The following DIAPH2 variants were observed in gnomAD, a reference collection of about 807,000 sequenced individuals.
The protein encoded by DIAPH2 is diaphanous related formin 2, also known as protein diaphanous homolog 2.
Under a neutral mutation model 92.7 loss-of-function variants are expected in DIAPH2, and 35 were observed. The observed-to-expected ratio is 0.38, with a 90% CI of 0.29 to 0.50. The LOEUF (loss-of-function observed/expected upper bound fraction) is 0.50. DIAPH2 is among the 20% of genes least tolerant of loss of function. The pLI is 0.94. For synonymous variants in DIAPH2, 301 were observed against 280.4 expected (o/e 1.07, Z -0.73); for missense variants, 701 against 819.5 (o/e 0.86, Z 1.77).
chrX:96,702,994 C>T (rs188519892), intron 1 of DIAPH2, among the ~76,000 whole-genome samples: 16 of 111,500 alleles, frequency 1.4e-4, no homozygotes, highest in African/African-American at 4.6e-4. Flanking sequence ...TTCAGTTTCA[C>T]GGTATACATT....
chrX:97,507,385 T>C (rs1446984883), intron 26 of DIAPH2, among the ~76,000 whole-genome samples: 1 of 110,969 alleles, frequency 9.0e-6, no homozygotes, highest in East Asian at 2.8e-4. Flanking sequence ...AATCTTTATA[T>C]GAAGAATTTT....
chrX:97,258,054 A>G (rs1189341081), intron 23 of DIAPH2, among the ~76,000 whole-genome samples: 9 of 108,569 alleles, frequency 8.3e-5, no homozygotes, highest in African/African-American at 2.7e-4. Flanking sequence ...TGCTTTTTGT[A>G]TGTAGACCAG....
chrX:96,902,030 G>A (rs896358203), intron 5 of DIAPH2, among the ~76,000 whole-genome samples: 3 of 111,674 alleles, frequency 2.7e-5, no homozygotes, highest in Non-Finnish European at 3.8e-5. Context: ...TTCCATCTTA[G>A]TTTCATTGTT....
In DIAPH2 at chrX:96,967,614, A is replaced by C. The variant is rs769874597; in HGVS notation, c.2050+2407A>C. Among the ~76,000 whole-genome samples the C allele has an allele frequency of 5.5e-5, 6 of 109,593 alleles. No homozygotes were observed. In the South Asian group the frequency reaches 2.4e-3, roughly 43 times the overall value. ...GTATTTTTAGTAGAGACTGGGTTTC[A>C]CCTTGTTGGCCAGGCTAGTCTCAAA... On this transcript the variant is annotated intron_variant, in intron 17 of 26. Coordinates refer to ENST00000324765, the MANE Select transcript of DIAPH2 (RefSeq NM_006729.5).
intron 26 of DIAPH2, among the ~76,000 whole-genome samples, chrX:97,511,086 T>C (rs1472768979): frequency 9.7e-6 from 1 of 103,383 alleles, no homozygotes; most frequent in Non-Finnish European, 2.0e-5. Flanking sequence ...ATTGAATCTA[T>C]AAATTACCTT....
At chrX:96,858,169 C>T (rs1403238099) in intron 4 of DIAPH2, among the ~76,000 whole-genome samples, 1 of 111,718 alleles carries the variant, frequency 9.0e-6, no homozygotes, top group East Asian at 2.8e-4. Flanking sequence ...CCTTGAAGTA[C>T]ACTTTTTTAA....
At chrX:97,268,619 G>A (rs941433091) in intron 23 of DIAPH2, among the ~76,000 whole-genome samples, 4 of 111,967 alleles carry the variant, frequency 3.6e-5, no homozygotes, top group Admixed American at 9.5e-5. Context: ...ATGTGACCTA[G>A]GGAAAGTCAT....
chrX:97,205,474 A>C (rs1173610613), intron 22 of DIAPH2, among the ~76,000 whole-genome samples: 4 of 111,615 alleles, frequency 3.6e-5, no homozygotes, highest in African/African-American at 1.3e-4. Flanking sequence ...AAGCATATTT[A>C]CAAGAAAAAA....
intron 23 of DIAPH2, among the ~76,000 whole-genome samples, chrX:97,284,194 C>A (rs1429050946): frequency 8.9e-6 from 1 of 111,755 alleles, no homozygotes; most frequent in Non-Finnish European, 1.9e-5. Flanking sequence ...ATGCAGCTAT[C>A]CTAATGTAAT....
intron 23 of DIAPH2, among the ~76,000 whole-genome samples, chrX:97,311,937 C>T (rs1174979904): frequency 9.0e-6 from 1 of 110,549 alleles, no homozygotes; most frequent in Non-Finnish European, 1.9e-5. Context: ...ATACCATTCT[C>T]CTGCCTCAGC....
At chrX:97,536,854 C>T in intron 26 of DIAPH2, among the ~76,000 whole-genome samples, 1 of 111,778 alleles carries the variant, frequency 8.9e-6, no homozygotes, top group South Asian at 3.7e-4. Flanking sequence ...GTCTAAAATA[C>T]ATTTCTTTAC....
chrX:97,415,114 A>C (rs1410061028), intron 25 of DIAPH2, among the ~76,000 whole-genome samples: 3 of 112,431 alleles, frequency 2.7e-5, no homozygotes, highest in Non-Finnish European at 5.6e-5. Flanking sequence ...GCTCATCATC[A>C]CTGGCCATCA....
At chrX:97,504,041 A>G (rs1454767182) in intron 26 of DIAPH2, among the ~76,000 whole-genome samples, 1 of 111,865 alleles carries the variant, frequency 8.9e-6, no homozygotes, top group East Asian at 2.8e-4. Context: ...TGGCCCCAAG[A>G]CAGTGTAATG....
intron 21 of DIAPH2, among the ~76,000 whole-genome samples, chrX:97,131,571 C>T (rs1323518172): frequency 8.9e-6 from 1 of 111,755 alleles, no homozygotes; most frequent in Non-Finnish European, 1.9e-5. Flanking sequence ...AATATTCCAT[C>T]TACTCTCAAA....
chrX:96,847,126 A>G (rs1485759007), intron 4 of DIAPH2, among the ~76,000 whole-genome samples: 1 of 111,770 alleles, frequency 8.9e-6, no homozygotes, highest in African/African-American at 3.3e-5. Context: ...CTATAAGGAA[A>G]ACTTGTATGT....
In DIAPH2 at chrX:96,735,787, T is replaced by C; in HGVS notation, c.162T>C (p.Asp54=). The C allele has an allele frequency of 9.3e-7, 1 of 1,077,753 alleles. No individual in the cohort carries two copies. Among genetic ancestry groups the C allele is most frequent in the Non-Finnish European group, 1.3e-6 (1 of 795,445 alleles). 88.8% of individuals were successfully genotyped at this position (1,077,753 alleles called of 1,213,427 possible). Residue 54 remains aspartate (D), a synonymous_variant, in exon 2 of 27, where the codon GAT becomes GAC. Transcript: ENST00000324765. ...LNIQIKTLAD[D]VRDRITSFRK... ...TTCAAATAAAAACTTTGGCAGATGA[T>C]GTGGTAAGGTGGTCTTAGCATGTTA...
intron 22 of DIAPH2, among the ~76,000 whole-genome samples, chrX:97,239,517 AT>A (rs776009022): frequency 9.0e-6 from 1 of 111,638 alleles, no homozygotes; most frequent in Non-Finnish European, 1.9e-5. Flanking sequence ...CTATAATTTA[AT>A]TTTTTAGTGT....
chrX:96,802,119 A>G (rs1354122354), intron 4 of DIAPH2, among the ~76,000 whole-genome samples: 1 of 112,273 alleles, frequency 8.9e-6, no homozygotes, highest in African/African-American at 3.2e-5. Flanking sequence ...AAAATAAATC[A>G]CAGAGTATCT....
At chrX:97,095,619 A>G (rs2066863135) in intron 19 of DIAPH2, among the ~76,000 whole-genome samples, 1 of 110,473 alleles carries the variant, frequency 9.1e-6, no homozygotes, top group African/African-American at 3.3e-5. Flanking sequence ...ACTTAATGAG[A>G]TAGAAGACAA....
Sources: allele counts gnomAD v4.1 joint callset (sites outside exome capture counted in the v4.1 genomes callset), GRCh38; gene constraint gnomAD v4.1.1; transcripts MANE v1.5; gene names NCBI Gene and HGNC (gene_info 2026-07-23, HGNC 2026-07-21).